The following MYOC variants were observed in gnomAD, a reference collection of about 807,000 sequenced individuals.
The protein encoded by MYOC is myocilin.
In MYOC, 29 loss-of-function variants were observed where a neutral mutation model predicts 28.2. That is an observed-to-expected ratio of 1.03 (90% CI 0.77 to 1.40). The LOEUF (loss-of-function observed/expected upper bound fraction) is 1.40. Among genes scored for constraint, MYOC ranks in the 40% most tolerant of loss-of-function variants. The pLI, the probability that MYOC is intolerant of heterozygous loss-of-function variation, is 0.00. For synonymous variants in MYOC, 240 were observed against 245.6 expected (o/e 0.98, Z 0.21); for missense variants, 569 against 620.6 (o/e 0.92, Z 0.88).
Position 171,652,511 on chromosome 1 carries a change from G to GAGCTC in MYOC, c.100_101insGAGCT (p.Thr34ArgfsTer52), listed in dbSNP as rs1349320348. 1 of 1,614,194 alleles carries GAGCTC rather than the reference G, an allele frequency of 6.2e-7. No homozygotes were observed. Among genetic ancestry groups the GAGCTC allele is most frequent in the South Asian group, 1.1e-5 (1 of 91,086 alleles). On this transcript the variant is annotated frameshift_variant, in exon 1 of 3. Coordinates refer to ENST00000037502, the MANE Select transcript of MYOC (RefSeq NM_000261.2). LOFTEE classifies it high-confidence loss of function. ...GTCATTGGCCTTCCTGAGCTGAGCT[G>GAGCTC]TCCTGGCCCCCACATCCCACACCAG...
intron 1 of MYOC, among the ~76,000 whole-genome samples, chr1:171,646,025 G>A (rs755755456): frequency 6.6e-6 from 1 of 152,254 alleles, no homozygotes; most frequent in African/African-American, 2.4e-5. Context: ...AGGGGCGATG[G>A]TTAAGTTATG....
chr1:171,644,255 T>C (rs569910827), intron 1 of MYOC, among the ~76,000 whole-genome samples: 1 of 152,198 alleles, frequency 6.6e-6, no homozygotes, highest in East Asian at 1.9e-4. Flanking sequence ...TCGTTAACAT[T>C]TTTAGGGCTT....
intron 1 of MYOC, 110 bp downstream of exon 1, chr1:171,651,898 G>C: frequency 2.1e-6 from 3 of 1,452,814 alleles, no homozygotes; most frequent in Non-Finnish European, 1.9e-6. Flanking sequence ...TGTGCTAGCT[G>C]TGCAGTCTCT....
intron 2 of MYOC, 30 bp downstream of exon 2, chr1:171,638,567 G>A: frequency 1.2e-6 from 2 of 1,612,796 alleles, no homozygotes; most frequent in Non-Finnish European, 1.7e-6. Flanking sequence ...GACCACGTGG[G>A]CACAAAAGGG....
chr1:171,636,446 C>A lies in MYOC; in HGVS notation c.994G>T (p.Gly332Trp). ...TCAGCGCCCTGGAAATAGAGGCTCC[C>A]CGAGTACACCACAGCACCCGTGCTT... ...LESTGAVVYS[G>W]SLYFQGAESR... Residue 332 changes from glycine to tryptophan, a missense_variant, in exon 3 of 3, where the codon GGG (glycine) becomes TGG (tryptophan). Coordinates refer to ENST00000037502, the MANE Select transcript of MYOC (RefSeq NM_000261.2). 6.2e-7 allele frequency: 1 copy of A among 1,614,146 alleles called. No homozygotes were observed. Among genetic ancestry groups the A allele is most frequent in the South Asian group, 1.1e-5 (1 of 91,074 alleles).
chr1:171,646,898 G>A (rs921935890), intron 1 of MYOC, among the ~76,000 whole-genome samples: 5 of 152,100 alleles, frequency 3.3e-5, no homozygotes, highest in Non-Finnish European at 7.4e-5. Context: ...CTCTGCCGTC[G>A]CTTCTTTATA....
At chr1:171,637,954 G>A (rs987645073) in intron 2 of MYOC, among the ~76,000 whole-genome samples, 7 of 152,136 alleles carry the variant, frequency 4.6e-5, no homozygotes, top group African/African-American at 1.4e-4. Context: ...TTCCCTCATA[G>A]AAGGTAGAAA....
chr1:171,644,451 A>C (rs1338946021), intron 1 of MYOC, among the ~76,000 whole-genome samples: 1 of 152,154 alleles, frequency 6.6e-6, no homozygotes, highest in African/African-American at 2.4e-5. Context: ...GAAAATTAAG[A>C]AAGAAATGCC....
At chr1:171,649,461 G>T (rs1489520329) in intron 1 of MYOC, among the ~76,000 whole-genome samples, 1 of 152,102 alleles carries the variant, frequency 6.6e-6, no homozygotes, top group East Asian at 1.9e-4. Context: ...TACCTTTAGG[G>T]TCTATAAACC....
Position 171,636,310 on chromosome 1 carries a change from G to A in MYOC, c.1130C>T (p.Thr377Met), listed in dbSNP as rs566289099. Residue 377 changes from threonine (T) to methionine (M), a missense_variant, in exon 3 of 3, where the codon ACG becomes ATG. Physicochemically the swap from Thr to Met is moderately conservative, Grantham distance 81 (BLOSUM62 -1). Coordinates refer to ENST00000037502, the MANE Select transcript of MYOC (RefSeq NM_000261.2). ...GQFPYSWGGYTDIDLAVDEAG... is the reference protein window; with the variant it reads ...GQFPYSWGGYMDIDLAVDEAG... ...TTCATCCACAGCCAAGTCAATGTCCGTGTAGCCACCCCAAGAATACGGGAA... is the reference window on the plus strand; with the variant it reads ...TTCATCCACAGCCAAGTCAATGTCCATGTAGCCACCCCAAGAATACGGGAA... The A allele has an allele frequency of 1.2e-5, 19 of 1,614,006 alleles. No individual in the cohort carries two copies. The highest frequency in any genetic ancestry group is 2.7e-5 in the African/African-American group (2 of 74,972).
intron 1 of MYOC, 89 bp from the exon 2 acceptor site, chr1:171,638,811 C>T (rs751233286): frequency 3.5e-4 from 513 of 1,485,946 alleles, no homozygotes; most frequent in Non-Finnish European, 4.2e-4. Flanking sequence ...AATAGGCTGC[C>T]GGCCAGGCGT....
At chr1:171,637,342 A>T (rs1652947253) in intron 2 of MYOC, among the ~76,000 whole-genome samples, 1 of 152,220 alleles carries the variant, frequency 6.6e-6, no homozygotes, top group Non-Finnish European at 1.5e-5. Flanking sequence ...CACATATTTC[A>T]TACATCATTT....
At chr1:171,648,631 T>TATTATATATTTAATAAATTTATATATATA (rs1558089379) in intron 1 of MYOC, among the ~76,000 whole-genome samples, 6 of 146,752 alleles carry the variant, frequency 4.1e-5, no homozygotes, top group Non-Finnish European at 7.5e-5. Context: ...ATATGTATTT[T>TATTATATATTTAATAAATTTATATATATA]ATTATATATA....
chr1:171,645,213 C>G (rs980012656), intron 1 of MYOC, among the ~76,000 whole-genome samples: 33 of 152,128 alleles, frequency 2.2e-4, no homozygotes, highest in African/African-American at 7.7e-4. Context: ...AGCCACGGAC[C>G]CAGAGCGAAG....
chr1:171,649,314 T>C (rs1324872414), intron 1 of MYOC, among the ~76,000 whole-genome samples: 1 of 152,200 alleles, frequency 6.6e-6, no homozygotes, highest in Non-Finnish European at 1.5e-5. Context: ...TACCCAAACC[T>C]TCACACCTAG....
intron 1 of MYOC, among the ~76,000 whole-genome samples, chr1:171,639,349 G>C (rs1456280014): frequency 6.6e-6 from 1 of 152,150 alleles, no homozygotes; most frequent in African/African-American, 2.4e-5. Flanking sequence ...GCCTACCTTA[G>C]AGTAGGGTAT....
At chr1:171,640,661 G>C (rs886859868) in intron 1 of MYOC, among the ~76,000 whole-genome samples, 2 of 152,092 alleles carry the variant, frequency 1.3e-5, no homozygotes, top group African/African-American at 4.8e-5. Context: ...TTGAGACCGG[G>C]AGGTCAAGGC....
At chr1:171,638,485 A>C in intron 2 of MYOC, 112 bp downstream of exon 2, 11 of 1,220,604 alleles carry the variant, frequency 9.0e-6, no homozygotes, top group Non-Finnish European at 1.2e-5. Flanking sequence ...GCTCCCAGGG[A>C]AGTTAATTTC....
chr1:171,652,324 C>T lies in MYOC; in HGVS notation c.288G>A (p.Glu96=), dbSNP rs202052242. 5 of 1,610,194 alleles carry T rather than the reference C, an allele frequency of 3.1e-6. No homozygotes were observed. The East Asian group carries it at 8.9e-5, about 29-fold the overall frequency. Residue 96 remains glutamate (E), a synonymous_variant, in exon 1 of 3, where the codon GAG becomes GAA. Coordinates refer to ENST00000037502, the MANE Select transcript of MYOC (RefSeq NM_000261.2). The stretch of plus-strand genomic sequence containing the variant: ...CCAAGGTCAATTGGTGGAGGAGGCT[C>T]TCCAGGGAGCTGAGTCGAGCTTTGG... The part of the protein sequence containing the change: ...EATKARLSSL[E]SLLHQLTLDQ...
Sources: gnomAD v4.1 joint callset for allele counts (sites outside exome capture counted in the v4.1 genomes callset) on GRCh38, gnomAD v4.1.1 for gene constraint, MANE v1.5 for transcripts, NCBI Gene and HGNC (gene_info 2026-07-23, HGNC 2026-07-21) for gene names.